DGKB: variants seen among roughly 807,000 people sequenced by gnomAD.
DGKB encodes the protein 90 kDa diacylglycerol kinase.
A neutral mutation model predicts 114.3 loss-of-function variants in DGKB; 67 were observed. That is an observed-to-expected ratio of 0.59 (90% CI 0.48 to 0.72). The LOEUF is 0.72. Ranked by LOEUF, DGKB falls within the 30% of genes least tolerant of loss-of-function variation. The pLI, the probability that DGKB is intolerant of heterozygous loss-of-function variation, is 0.00. For synonymous variants in DGKB, 398 were observed against 323.1 expected (o/e 1.23, Z -2.49); for missense variants, 907 against 975.2 (o/e 0.93, Z 0.93).
intron 20 of DGKB, among the ~76,000 whole-genome samples, chr7:14,508,774 C>T (rs944776259): frequency 1.3e-5 from 2 of 152,092 alleles, no homozygotes; most frequent in African/African-American, 2.4e-5. Flanking sequence ...ATATGTTTCT[C>T]AATGAGTCAT....
At chr7:14,913,082 C>T (rs926361554) in intron 1 of DGKB, among the ~76,000 whole-genome samples, 1 of 152,066 alleles carries the variant, frequency 6.6e-6, no homozygotes, top group East Asian at 1.9e-4. Flanking sequence ...CTCTTCTTAG[C>T]TTCGCCAGCC....
intron 20 of DGKB, among the ~76,000 whole-genome samples, chr7:14,495,950 C>T (rs1785247446): frequency 6.6e-6 from 1 of 151,770 alleles, no homozygotes; most frequent in Non-Finnish European, 1.5e-5. Context: ...CTTCAGGCTA[C>T]TGTTAAAGAG....
chr7:14,597,482 C>T (rs1193832061), intron 17 of DGKB, among the ~76,000 whole-genome samples: 2 of 151,942 alleles, frequency 1.3e-5, no homozygotes, highest in Non-Finnish European at 2.9e-5. Context: ...ATTCCAAATC[C>T]AATTATCTGC....
At chr7:14,251,996 T>A (rs1442424932) in intron 23 of DGKB, among the ~76,000 whole-genome samples, 1 of 152,190 alleles carries the variant, frequency 6.6e-6, no homozygotes, top group African/African-American at 2.4e-5. Context: ...TTTAATCTAT[T>A]TGGATTATTT....
chr7:14,493,204 C>A (rs961167161), intron 20 of DGKB, among the ~76,000 whole-genome samples: 1 of 151,994 alleles, frequency 6.6e-6, no homozygotes, highest in Non-Finnish European at 1.5e-5. Flanking sequence ...GATGGTGATG[C>A]TTGATGAAAC....
intron 2 of DGKB, among the ~76,000 whole-genome samples, chr7:14,790,708 T>C (rs1159414780): frequency 6.6e-6 from 1 of 152,180 alleles, no homozygotes; most frequent in Non-Finnish European, 1.5e-5. Context: ...ATGTAGCTTG[T>C]ATATAGTAAG....
At chr7:14,556,410 T>C (rs999825025) in intron 20 of DGKB, among the ~76,000 whole-genome samples, 1 of 152,114 alleles carries the variant, frequency 6.6e-6, no homozygotes, top group Non-Finnish European at 1.5e-5. Context: ...CCTTCAAATA[T>C]TAATAGCTGA....
Position 14,563,092 on chromosome 7 carries a change from GA to G in DGKB, c.1770+11119del, listed in dbSNP as rs552572450. Among the ~76,000 whole-genome samples the G allele has an allele frequency of 1.9e-3, 293 of 152,258 alleles. 2 individuals are homozygous for G. Among genetic ancestry groups the G allele is most frequent in the African/African-American group, 6.9e-3 (285 of 41,554 alleles). On this transcript the variant is annotated intron_variant, in intron 20 of 25. Coordinates refer to ENST00000402815, the MANE Select transcript of DGKB (RefSeq NM_001350709.2). ...GTGTCAGGAGAGCTGATGGTTTTATGAAGGGGAATTCTGCTGTACACGCTCT... is the reference window on the plus strand; with the variant it reads ...GTGTCAGGAGAGCTGATGGTTTTATGAGGGGAATTCTGCTGTACACGCTCT...
intron 23 of DGKB, among the ~76,000 whole-genome samples, chr7:14,267,327 A>G (rs1438541701): frequency 6.6e-6 from 1 of 152,162 alleles, no homozygotes; most frequent in Non-Finnish European, 1.5e-5. Context: ...CTGAATCTAC[A>G]TGAAGAAGAA....
At chr7:14,841,536 C>T (rs1055282545) in intron 1 of DGKB, 86 bp from the exon 2 acceptor site, 1 of 309,012 alleles carries the variant, frequency 3.2e-6, no homozygotes, top group Non-Finnish European at 5.9e-6. Context: ...ATGTTAAATA[C>T]TTTTTAAATC....
chr7:14,788,718 C>T (rs915984154), intron 2 of DGKB, among the ~76,000 whole-genome samples: 5 of 152,148 alleles, frequency 3.3e-5, no homozygotes, highest in African/African-American at 9.7e-5. Context: ...TCTTCTCACC[C>T]TCTCTCCTCC....
chr7:14,818,081 G>C (rs552988093), intron 2 of DGKB, among the ~76,000 whole-genome samples: 2 of 152,020 alleles, frequency 1.3e-5, no homozygotes, highest in Admixed American at 6.6e-5. Context: ...TATGACTTTT[G>C]CTAGGAAACC....
At chr7:14,285,022 T>TA (rs1298466193) in intron 23 of DGKB, among the ~76,000 whole-genome samples, 3 of 75,700 alleles carry the variant, frequency 4.0e-5, no homozygotes, top group Admixed American at 1.7e-4. Context: ...AATAAAAAAA[T>TA]AAAAAAATAA....
At chr7:14,444,568 A>T (rs543650836) in intron 21 of DGKB, among the ~76,000 whole-genome samples, 1 of 151,956 alleles carries the variant, frequency 6.6e-6, no homozygotes, top group African/African-American at 2.4e-5. Context: ...TTGGATAGTA[A>T]ATTGGTAGCA....
At chr7:14,789,359 A>G (rs1031122793) in intron 2 of DGKB, among the ~76,000 whole-genome samples, 1 of 151,870 alleles carries the variant, frequency 6.6e-6, no homozygotes, top group African/African-American at 2.4e-5. Flanking sequence ...TCTGTTCTTC[A>G]TTTCTATAAT....
At chr7:14,280,698 C>A (rs1799805076) in intron 23 of DGKB, among the ~76,000 whole-genome samples, 1 of 149,806 alleles carries the variant, frequency 6.7e-6, no homozygotes, top group Admixed American at 6.7e-5. Flanking sequence ...AGAGTGGGGG[C>A]CAATATTCAA....
intron 1 of DGKB, among the ~76,000 whole-genome samples, chr7:14,943,562 G>C (rs1034339663): frequency 6.6e-5 from 10 of 151,522 alleles, no homozygotes; most frequent in Admixed American, 2.0e-4. Context: ...TAGATGTTTT[G>C]ATAATCCAGA....
At chr7:14,185,069 A>G (rs1222535368) in intron 23 of DGKB, among the ~76,000 whole-genome samples, 2 of 152,148 alleles carry the variant, frequency 1.3e-5, no homozygotes, top group Admixed American at 6.5e-5. Context: ...CAAATCGGTA[A>G]AGAGGAAGTA....
chr7:14,422,832 CA>C, intron 21 of DGKB, among the ~76,000 whole-genome samples: 1 of 152,002 alleles, frequency 6.6e-6, no homozygotes, highest in South Asian at 2.1e-4. Flanking sequence ...AACAACAATA[CA>C]AAGAATACTA....
Sources: allele counts gnomAD v4.1 joint callset (sites outside exome capture counted in the v4.1 genomes callset), GRCh38; gene constraint gnomAD v4.1.1; transcripts MANE v1.5; gene names NCBI Gene and HGNC (gene_info 2026-07-23, HGNC 2026-07-21).